OLFML2B: variants seen among roughly 807,000 people sequenced by gnomAD.
OLFML2B encodes the protein olfactomedin like 2B.
Under a neutral mutation model 74.9 loss-of-function variants are expected in OLFML2B, and 57 were observed. The observed-to-expected ratio is 0.76, with a 90% CI of 0.61 to 0.95. The LOEUF is 0.95. OLFML2B is among the 40% of genes least tolerant of loss of function. OLFML2B has a pLI of 0.00. For synonymous variants in OLFML2B, 388 were observed against 405.8 expected (o/e 0.96, Z 0.53); for missense variants, 986 against 970.6 (o/e 1.02, Z -0.21).
rs1690666808 is a variant in OLFML2B, at chr1:162,020,309, CA to C, written c.175-128del. On this transcript the variant is annotated intron_variant, in intron 1 of 7. Transcript: ENST00000294794. ...AGAGACCTCAGAAAACTCTGAACCACAGAGCCAATAGGTCACTGAGATGCAG... is the reference window on the plus strand; with the variant it reads ...AGAGACCTCAGAAAACTCTGAACCACGAGCCAATAGGTCACTGAGATGCAG... The C allele has an allele frequency of 3.7e-6, 4 of 1,083,478 alleles. No individual in the cohort carries two copies. The African/African-American group carries it at 4.7e-5, about 13-fold the overall frequency. The allele number at this position is 1,083,478 out of a possible 1,614,324, so 67.1% of individuals were successfully genotyped here.
At chr1:161,990,871 C>T (rs565217555) in intron 6 of OLFML2B, among the ~76,000 whole-genome samples, 2 of 152,196 alleles carry the variant, frequency 1.3e-5, no homozygotes, top group South Asian at 4.1e-4. Context: ...TATTCAAAAT[C>T]CTTTGTTGCC....
At chr1:161,987,038 G>A (rs184329601) in intron 6 of OLFML2B, among the ~76,000 whole-genome samples, 107 of 152,374 alleles carry the variant, frequency 7.0e-4, no homozygotes, top group Non-Finnish European at 1.2e-3. Context: ...AGGCTCTGCA[G>A]TGGCAGGGCC....
At chr1:161,993,618 G>A (rs1571288084) in intron 6 of OLFML2B, among the ~76,000 whole-genome samples, 1 of 151,816 alleles carries the variant, frequency 6.6e-6, no homozygotes. Context: ...TCATCATCAG[G>A]CCCCGGCTCC....
At chr1:162,019,734 C>G (rs1690643010) in intron 2 of OLFML2B, among the ~76,000 whole-genome samples, 185 bp downstream of exon 2, 1 of 152,194 alleles carries the variant, frequency 6.6e-6, no homozygotes, top group Non-Finnish European at 1.5e-5. Context: ...TTAAGCATCT[C>G]CCTTATACAC....
At chr1:161,990,307 A>G (rs1689699319) in intron 6 of OLFML2B, among the ~76,000 whole-genome samples, 1 of 152,266 alleles carries the variant, frequency 6.6e-6, no homozygotes, top group African/African-American at 2.4e-5. Flanking sequence ...TGCACAATAT[A>G]AAGATGAATT....
rs1689941265 is a variant in OLFML2B at position 161,997,398 on chromosome 1, G to T, written c.1474+427C>A. On this transcript the variant is annotated intron_variant, in intron 6 of 7. Coordinates refer to ENST00000294794, the MANE Select transcript of OLFML2B (RefSeq NM_015441.3). Reference sequence around the variant, plus strand: ...GGCCCATTGCCCCAGCTATTCCCCTGCTCTCACTCTACTACAAATCTGAGA... The same window carrying T: ...GGCCCATTGCCCCAGCTATTCCCCTTCTCTCACTCTACTACAAATCTGAGA... Among the ~76,000 whole-genome samples the T allele has an allele frequency of 2.6e-5, 4 of 152,092 alleles. No individual in the cohort carries two copies. The South Asian group carries it at 8.3e-4, about 32-fold the overall frequency.
At chr1:162,011,377 T>G (rs1005122867) in intron 3 of OLFML2B, among the ~76,000 whole-genome samples, 2 of 152,136 alleles carry the variant, frequency 1.3e-5, no homozygotes, top group African/African-American at 2.4e-5. Context: ...GGGCTCGTAG[T>G]TCCCATCAGC....
intron 3 of OLFML2B, among the ~76,000 whole-genome samples, chr1:162,014,829 C>T (rs1690485646): frequency 1.3e-5 from 2 of 152,204 alleles, no homozygotes. Context: ...AACTTTAATC[C>T]TATTTAATGG....
At chr1:162,020,458 C>T (rs1490288611) in intron 1 of OLFML2B, among the ~76,000 whole-genome samples, 5 of 152,190 alleles carry the variant, frequency 3.3e-5, no homozygotes, top group African/African-American at 1.2e-4. Flanking sequence ...ACCAGATGAG[C>T]CAAGTCATTT....
chr1:161,997,762 T>C (rs1167111173), intron 6 of OLFML2B, 63 bp downstream of exon 6: 2 of 1,517,740 alleles, frequency 1.3e-6, no homozygotes, highest in African/African-American at 2.8e-5. Flanking sequence ...TCTCAAGATA[T>C]TTCCAGGCTC....
rs1558069917 is a variant in OLFML2B, at chr1:162,020,051, G to C, written c.306C>G (p.Phe102Leu). 11 of 1,614,052 alleles carry C rather than the reference G, an allele frequency of 6.8e-6. No homozygotes were observed. The highest frequency in any genetic ancestry group is 7.6e-6 in the Non-Finnish European group (9 of 1,180,038). Residue 102 changes from phenylalanine to leucine, a missense_variant, in exon 2 of 8, where the codon TTC (phenylalanine) becomes TTG (leucine). Coordinates refer to ENST00000294794, the MANE Select transcript of OLFML2B (RefSeq NM_015441.3). ...INAGASRKED[F>L]YTVETITSGS... ...CTGAGGTGATGGTTTCCACGGTATA[G>C]AAGTCTTCCTTCCTGGAGGCCCCCG...
At chr1:162,006,550 T>C in intron 3 of OLFML2B, 77 bp from the exon 4 acceptor site, 1 of 1,146,840 alleles carries the variant, frequency 8.7e-7, no homozygotes, top group Non-Finnish European at 1.2e-6. Flanking sequence ...CCATCTTCGC[T>C]CAGAGCACAC....
intron 6 of OLFML2B, among the ~76,000 whole-genome samples, chr1:161,985,729 C>G (rs1689575965): frequency 6.6e-6 from 1 of 152,176 alleles, no homozygotes; most frequent in African/African-American, 2.4e-5. Context: ...CCTGTCACTA[C>G]TGGGAGCAGG....
chr1:162,009,863 C>G (rs1690326478), intron 3 of OLFML2B, among the ~76,000 whole-genome samples: 2 of 152,142 alleles, frequency 1.3e-5, no homozygotes, highest in East Asian at 3.9e-4. Flanking sequence ...TTTGGTGAGG[C>G]GATTCTCAGG....
intron 2 of OLFML2B, among the ~76,000 whole-genome samples, chr1:162,018,187 G>C (rs1202865522): frequency 1.3e-5 from 2 of 152,124 alleles, no homozygotes; most frequent in Non-Finnish European, 2.9e-5. Flanking sequence ...TAGGTACTAG[G>C]CTTAGTAGCT....
At chr1:161,997,143 C>T (rs558476963) in intron 6 of OLFML2B, among the ~76,000 whole-genome samples, 2 of 152,138 alleles carry the variant, frequency 1.3e-5, no homozygotes, top group East Asian at 3.9e-4. Flanking sequence ...GGCGACAGAG[C>T]GAGACTCTGT....
rs1410029654 is a variant in OLFML2B at position 161,997,886 on chromosome 1, T to C, written c.1413A>G (p.Gly471=). 6.2e-7 allele frequency: 1 copy of C among 1,614,084 alleles called. No individual in the cohort carries two copies. The highest frequency in any genetic ancestry group is 8.5e-7 in the Non-Finnish European group (1 of 1,179,968). ...TCAGCGTGGGGCTGGCAGGGGTTGT[T>C]CCCCACCCAGCAGGAGCATCTTTCC... ...SLGKDAPAGW[G]TTPASPTLSP... is the part of the protein sequence containing the mutation. Residue 471 remains glycine (G), a synonymous_variant, in exon 6 of 8, where the codon GGA becomes GGG. Transcript: ENST00000294794.
In OLFML2B at chr1:162,023,461, T is replaced by G. The variant is rs1690792286; in HGVS notation, c.-31A>C. 1 of 1,435,568 alleles carries G rather than the reference T, an allele frequency of 7.0e-7. No homozygotes were observed. Among genetic ancestry groups the G allele is most frequent in the African/African-American group, 1.5e-5 (1 of 68,818 alleles). The allele number at this position is 1,435,568 out of a possible 1,614,324, so 88.9% of individuals were successfully genotyped here. On this transcript the variant is annotated 5_prime_UTR_variant, in exon 1 of 8. Coordinates refer to ENST00000294794, the MANE Select transcript of OLFML2B (RefSeq NM_015441.3). ...GCGCGATAAGAGTGTCCTCAGCCCCTTCAGAGAATGGCTGGGGCGGGGGGT... is the reference window on the plus strand; with the variant it reads ...GCGCGATAAGAGTGTCCTCAGCCCCGTCAGAGAATGGCTGGGGCGGGGGGT...
chr1:161,986,900 G>A (rs1384455173), intron 6 of OLFML2B, among the ~76,000 whole-genome samples: 2 of 152,236 alleles, frequency 1.3e-5, no homozygotes, highest in African/African-American at 2.4e-5. Flanking sequence ...TTTTCTGTCT[G>A]GGGATTACCA....
Sources: allele counts gnomAD v4.1 joint callset (sites outside exome capture counted in the v4.1 genomes callset), GRCh38; gene constraint gnomAD v4.1.1; transcripts MANE v1.5; gene names NCBI Gene and HGNC (gene_info 2026-07-23, HGNC 2026-07-21).